The following NHLRC2 variants were observed in gnomAD, a reference collection of about 807,000 sequenced individuals.
The protein encoded by NHLRC2 is NHL repeat-containing protein 2.
A neutral mutation model predicts 68.1 loss-of-function variants in NHLRC2; 33 were observed. The observed-to-expected ratio is 0.48, with a 90% CI of 0.37 to 0.65. The LOEUF (loss-of-function observed/expected upper bound fraction) is 0.65, where lower values mean the gene tolerates loss of function less well. NHLRC2 is among the 30% of genes least tolerant of loss of function. NHLRC2 has a pLI of 0.00. For synonymous variants in NHLRC2, 311 were observed against 309.6 expected (o/e 1.00, Z -0.05); for missense variants, 761 against 853.8 (o/e 0.89, Z 1.35).
rs1294630444 is a variant in NHLRC2, at chr10:113,912,791, C to T, written c.*4255C>T. Reference sequence around the variant, plus strand: ...TGAAGAATAGAAAACCGGAATAGTGCTCGATGCCTGAAGTGGTGCCTGGCG... The same window carrying T: ...TGAAGAATAGAAAACCGGAATAGTGTTCGATGCCTGAAGTGGTGCCTGGCG... On this transcript the variant is annotated 3_prime_UTR_variant, in exon 11 of 11. Transcript: ENST00000369301. 7 of 152,180 alleles carry T rather than the reference C, an allele frequency of 4.6e-5. No individual in the cohort carries two copies. The highest frequency in any genetic ancestry group is 4.4e-5 in the Non-Finnish European group (3 of 68,036). 9.4% of individuals were successfully genotyped at this position (152,180 alleles called of 1,614,324 possible). A position where few individuals can be genotyped will look rare whatever the true frequency, so the allele number is the denominator to read the frequency against.
At chr10:113,865,239 G>A (rs572044991) in intron 2 of NHLRC2, among the ~76,000 whole-genome samples, 52 of 151,416 alleles carry the variant, frequency 3.4e-4, no homozygotes, top group Non-Finnish European at 6.5e-4. Flanking sequence ...GTGAGCCACC[G>A]CGCCCGGCCA....
chr10:113,876,700 C>T lies in NHLRC2; in HGVS notation c.511C>T (p.Arg171Cys), dbSNP rs1417207516. Residue 171 changes from arginine (R) to cysteine (C), a missense_variant, in exon 3 of 11, where the codon CGT becomes TGT. Coordinates refer to ENST00000369301, the MANE Select transcript of NHLRC2 (RefSeq NM_198514.4). ...GCCAACTCTAGTCATACTTGGACCT[C>T]GTGGAAACATGTTGTTTTCTTTGAT... Reference protein sequence around the residue: ...CWPTLVILGPRGNMLFSLIGE... With the variant: ...CWPTLVILGPCGNMLFSLIGE... 2.5e-6 allele frequency: 4 copies of T among 1,613,764 alleles called. No homozygotes were observed. Among genetic ancestry groups the T allele is most frequent in the Middle Eastern group, 1.7e-4 (1 of 6,058 alleles).
intron 4 of NHLRC2, among the ~76,000 whole-genome samples, chr10:113,881,109 T>G (rs1846032911): frequency 6.6e-6 from 1 of 151,872 alleles, no homozygotes; most frequent in Non-Finnish European, 1.5e-5. Flanking sequence ...TAATATTTCT[T>G]TATCATTATC....
At chr10:113,891,084 T>A (rs1258264088) in intron 5 of NHLRC2, among the ~76,000 whole-genome samples, 1 of 152,156 alleles carries the variant, frequency 6.6e-6, no homozygotes, top group Non-Finnish European at 1.5e-5. Flanking sequence ...TTGTGGGGAT[T>A]ACAATTCAGA....
intron 5 of NHLRC2, among the ~76,000 whole-genome samples, chr10:113,891,998 C>T (rs1182033482): frequency 1.3e-5 from 2 of 152,216 alleles, no homozygotes; most frequent in South Asian, 2.1e-4. Context: ...ACCTTTTCCA[C>T]AGCTGTAAAT....
chr10:113,889,090 G>A (rs1414691816), intron 5 of NHLRC2, among the ~76,000 whole-genome samples: 1 of 152,124 alleles, frequency 6.6e-6, no homozygotes, highest in African/African-American at 2.4e-5. Flanking sequence ...GCCTCCCAAA[G>A]TGCTGGGATT....
chr10:113,895,136 C>T (rs1336756211), intron 5 of NHLRC2, among the ~76,000 whole-genome samples: 1 of 152,148 alleles, frequency 6.6e-6, no homozygotes, highest in African/African-American at 2.4e-5. Context: ...AGTACAGGTT[C>T]ACATCTATAG....
intron 2 of NHLRC2, among the ~76,000 whole-genome samples, chr10:113,861,984 T>C (rs569218303): frequency 5.5e-4 from 83 of 152,246 alleles, no homozygotes; most frequent in African/African-American, 1.7e-3. Context: ...GCAATTGTCC[T>C]GCCTCAGCCT....
intron 10 of NHLRC2, 98 bp from the exon 11 acceptor site, chr10:113,908,182 A>G: frequency 1.1e-6 from 1 of 884,206 alleles, no homozygotes; most frequent in South Asian, 1.7e-5. Context: ...AGATTTTTTA[A>G]TAAATATTTG....
chr10:113,880,218 A>G (rs1210972273), intron 4 of NHLRC2, among the ~76,000 whole-genome samples: 2 of 152,070 alleles, frequency 1.3e-5, no homozygotes, highest in Non-Finnish European at 2.9e-5. Flanking sequence ...AGAGGTAACC[A>G]TCCACTGTTA....
chr10:113,893,037 C>A (rs185966297), intron 5 of NHLRC2, among the ~76,000 whole-genome samples: 2 of 152,114 alleles, frequency 1.3e-5, no homozygotes, highest in Non-Finnish European at 2.9e-5. Flanking sequence ...TGCTGATGAT[C>A]TGAACCAAAC....
chr10:113,879,862 A>C (rs905883121), intron 4 of NHLRC2, among the ~76,000 whole-genome samples, 167 bp downstream of exon 4: 1 of 151,916 alleles, frequency 6.6e-6, no homozygotes, highest in Non-Finnish European at 1.5e-5. Flanking sequence ...TCCTGTTTCT[A>C]TTTGTGTCAG....
At position 113,874,436 on chromosome 10, in the gene NHLRC2, ATGTGTT is replaced by A. The variant is rs528763323; in HGVS notation, c.332-2079_332-2074del. Among the ~76,000 whole-genome samples the A allele has an allele frequency of 4.6e-5, 5 of 108,552 alleles. No homozygotes were observed. In the South Asian group the frequency reaches 1.4e-3, roughly 31 times the overall value. 71.2% of individuals were successfully genotyped at this position (108,552 alleles called of 152,430 possible). ...CTTTTTTCCCAGCTGCTTTCAAGGC[ATGTGTT>A]TGTGTGTGTGTGTGTGTGTGTGTGT... On this transcript the variant is annotated intron_variant, in intron 2 of 10. Coordinates refer to ENST00000369301, the MANE Select transcript of NHLRC2 (RefSeq NM_198514.4).
chr10:113,865,643 C>G (rs1188515038), intron 2 of NHLRC2, among the ~76,000 whole-genome samples: 1 of 136,274 alleles, frequency 7.3e-6, no homozygotes, highest in Non-Finnish European at 1.5e-5. Context: ...ATGTGCTGAA[C>G]ATGCAGGTTT....
chr10:113,888,412 G>A (rs1846101974), intron 5 of NHLRC2, among the ~76,000 whole-genome samples: 1 of 152,032 alleles, frequency 6.6e-6, no homozygotes. Flanking sequence ...ACATGACATT[G>A]TACCCCACGA....
chr10:113,902,564 C>T lies in NHLRC2; in HGVS notation c.1465C>T (p.Leu489Phe). 1 of 1,608,596 alleles carries T rather than the reference C, an allele frequency of 6.2e-7. No homozygotes were observed. Among genetic ancestry groups the T allele is most frequent in the Non-Finnish European group, 8.5e-7 (1 of 1,177,852 alleles). The change falls in exon 8 of 11, where the codon CTT becomes TTT. Residue 489 changes from leucine to phenylalanine, a missense_variant. By Grantham distance (22) the Leu-to-Phe change is conservative. Coordinates refer to ENST00000369301, the MANE Select transcript of NHLRC2 (RefSeq NM_198514.4). Reference sequence around the variant, plus strand: ...AACATGGGACAAAAAAAGGAATTTACTTTATGTTGCAGACTCCTACAATCA... The same window carrying T: ...AACATGGGACAAAAAAAGGAATTTATTTTATGTTGCAGACTCCTACAATCA... ...GVTWDKKRNL[L>F]YVADSYNHKI...
In NHLRC2 at chr10:113,904,882, A is replaced by G; in HGVS notation, c.1770A>G (p.Thr590=). ...CGTTCCTAGTAGAAAAACAGAAGAC[A>G]TTACCCAAACTACCTAAATCTGCTC... ...DGPFLVEKQK[T]LPKLPKSAPS... Residue 590 remains threonine, a synonymous_variant, in exon 10 of 11, where the codon ACA becomes ACG. Transcript: ENST00000369301. 4 of 1,613,262 alleles carry G rather than the reference A, an allele frequency of 2.5e-6. No homozygotes were observed. Among genetic ancestry groups the G allele is most frequent in the Non-Finnish European group, 3.4e-6 (4 of 1,179,698 alleles).
At chr10:113,902,312 A>C (rs796572393) in intron 7 of NHLRC2, among the ~76,000 whole-genome samples, 159 bp from the exon 8 acceptor site, 3 of 152,248 alleles carry the variant, frequency 2.0e-5, no homozygotes, top group African/African-American at 7.2e-5. Context: ...TTTTTTTTCT[A>C]ATCTGAATGA....
At position 113,901,818 on chromosome 10, in the gene NHLRC2, G is replaced by A; in HGVS notation, c.1292G>A (p.Ser431Asn). 1.9e-6 allele frequency: 3 copies of A among 1,614,142 alleles called. No homozygotes were observed. The highest frequency in any genetic ancestry group is 1.7e-6 in the Non-Finnish European group (2 of 1,179,998). ...DPWSCLFVAD[S>N]ESSTVRTVSL... ...TGGAGCTGCTTGTTTGTAGCAGATA[G>A]TGAGAGCAGTACAGTGAGAACCGTT... Residue 431 changes from serine to asparagine, a missense_variant, in exon 7 of 11, where the codon AGT (serine) becomes AAT (asparagine). By Grantham distance (46) the Ser-to-Asn change is conservative. Transcript: ENST00000369301.
Sources: allele counts gnomAD v4.1 joint callset (sites outside exome capture counted in the v4.1 genomes callset), GRCh38; gene constraint gnomAD v4.1.1; transcripts MANE v1.5; gene names NCBI Gene and HGNC (gene_info 2026-07-23, HGNC 2026-07-21).